Variants in RNF115 observed in about 807,000 individuals in gnomAD.
RNF115 encodes the protein ring finger protein 115.
A neutral mutation model predicts 39.2 loss-of-function variants in RNF115; 31 were observed. The observed-to-expected ratio is 0.79, with a 90% CI of 0.59 to 1.07. The LOEUF is 1.07. RNF115 is among the 50% of genes least tolerant of loss of function. The pLI, the probability that RNF115 is intolerant of heterozygous loss-of-function variation, is 0.00. For synonymous variants in RNF115, 124 were observed against 131.0 expected, an observed-to-expected ratio of 0.95 and a Z score of 0.37; for missense variants, 384 against 381.7, an observed-to-expected ratio of 1.01 and a Z score of -0.05.
At chr1:145,783,142 C>T (rs782398482) in intron 3 of RNF115, among the ~76,000 whole-genome samples, 6 of 152,154 alleles carry the variant, frequency 3.9e-5, no homozygotes, top group Non-Finnish European at 5.9e-5. Context: ...CGATTACAGG[C>T]GTGAGCCACT....
intron 1 of RNF115, among the ~76,000 whole-genome samples, chr1:145,793,733 G>C (rs587626403): frequency 1.3e-5 from 2 of 151,856 alleles, no homozygotes; most frequent in Non-Finnish European, 2.9e-5. Flanking sequence ...CTAAGTCCTG[G>C]TACTCCAAAC....
At chr1:145,798,328 C>T (rs1649077229) in intron 1 of RNF115, among the ~76,000 whole-genome samples, 1 of 152,098 alleles carries the variant, frequency 6.6e-6, no homozygotes, top group African/African-American at 2.4e-5. Flanking sequence ...CTTTAATCCA[C>T]TTTGAGTTTA....
chr1:145,739,561 T>A lies in RNF115; in HGVS notation c.*7305A>T, dbSNP rs587688140. 1 of 151,916 alleles carries A rather than the reference T, an allele frequency of 6.6e-6. No individual in the cohort carries two copies. The highest frequency in any genetic ancestry group is 2.1e-4 in the South Asian group (1 of 4,806). The allele number at this position is 151,916 out of a possible 1,614,324, so 9.4% of individuals were successfully genotyped here. The stretch of plus-strand genomic sequence containing the variant: ...TCTGGCTCTGCAACATACCAGCTAT[T>A]TGTCATTGGGCAAATGAATTTTTTT... On this transcript the variant is annotated 3_prime_UTR_variant, in exon 9 of 9. Coordinates refer to ENST00000582693, the MANE Select transcript of RNF115 (RefSeq NM_014455.4).
chr1:145,762,681 GA>G (rs782700281), intron 4 of RNF115, among the ~76,000 whole-genome samples: 1,865 of 145,370 alleles, frequency 0.013, 34 homozygotes, highest in South Asian at 0.085. Context: ...TTTTTAATAA[GA>G]AAAAAAAAAG....
At chr1:145,775,855 G>T (rs970509236) in intron 3 of RNF115, among the ~76,000 whole-genome samples, 5 of 151,750 alleles carry the variant, frequency 3.3e-5, no homozygotes, top group Non-Finnish European at 4.4e-5. Context: ...AAAATTAGCC[G>T]GGCATGGTGG....
intron 2 of RNF115, chr1:145,786,871 T>C (rs1553718141): frequency 6.3e-6 from 1 of 158,540 alleles, no homozygotes; most frequent in Admixed American, 6.5e-5. Flanking sequence ...ACACGTTTAG[T>C]GTTGGTATTG....
intron 1 of RNF115, among the ~76,000 whole-genome samples, chr1:145,802,078 A>C (rs1362578081): frequency 6.6e-6 from 1 of 152,076 alleles, no homozygotes; most frequent in Non-Finnish European, 1.5e-5. Context: ...GTGAGCCACC[A>C]CGCCCAGCCG....
intron 1 of RNF115, among the ~76,000 whole-genome samples, chr1:145,802,492 T>C (rs1553721013): frequency 6.6e-6 from 1 of 152,232 alleles, no homozygotes; most frequent in Non-Finnish European, 1.5e-5. Flanking sequence ...GGTCACATAA[T>C]GTGAAATTTA....
chr1:145,788,143 G>A (rs587706911), intron 2 of RNF115, among the ~76,000 whole-genome samples: 63 of 151,796 alleles, frequency 4.2e-4, no homozygotes, highest in Admixed American at 1.4e-3. Context: ...TGCCCAGGCT[G>A]GAGTCTTGGC....
chr1:145,820,598 T>C (rs1236766039), intron 1 of RNF115, among the ~76,000 whole-genome samples: 2 of 152,026 alleles, frequency 1.3e-5, no homozygotes, highest in Non-Finnish European at 2.9e-5. Flanking sequence ...TAGCTGGGCA[T>C]GGTGGCACGT....
chr1:145,818,227 C>G (rs1650076057), intron 1 of RNF115, among the ~76,000 whole-genome samples: 1 of 152,112 alleles, frequency 6.6e-6, no homozygotes, highest in South Asian at 2.1e-4. Flanking sequence ...AGTGTATAGG[C>G]ATTCCCTTTT....
At chr1:145,763,864 C>T (rs1042702291) in intron 4 of RNF115, among the ~76,000 whole-genome samples, 1 of 151,770 alleles carries the variant, frequency 6.6e-6, no homozygotes, top group Non-Finnish European at 1.5e-5. Context: ...AATATTTTAC[C>T]GTCTTAAAAA....
rs1553711134 is a variant in RNF115 at position 145,742,683 on chromosome 1, TATAA to T, written c.*4179_*4182del. On this transcript the variant is annotated 3_prime_UTR_variant, in exon 9 of 9. Transcript: ENST00000582693. ...GCATACACGTGTTTGTCTGTGAATA[TATAA>T]ATATCTCTATTTACACATATATACA... 3 of 152,234 alleles carry T rather than the reference TATAA, an allele frequency of 2.0e-5. No individual in the cohort carries two copies. Among genetic ancestry groups the T allele is most frequent in the Non-Finnish European group, 4.4e-5 (3 of 68,040 alleles). The allele number at this position is 152,234 out of a possible 1,614,324, so 9.4% of individuals were successfully genotyped here. A position where few individuals can be genotyped will look rare whatever the true frequency, so the allele number is the denominator to read the frequency against.
At position 145,808,861 on chromosome 1, in the gene RNF115, A is replaced by G. The variant is rs587669525; in HGVS notation, c.102+14911T>C. Among the ~76,000 whole-genome samples, 16 of 152,310 alleles carry G rather than the reference A, an allele frequency of 1.1e-4. No individual in the cohort carries two copies. In the East Asian group the frequency reaches 2.7e-3, roughly 26 times the overall value. ...TCAAAATCAGGGAACCAACAGTTTA[A>G]TAAGTTTGAGAGCAAAAATACCTCA... is the stretch of plus-strand genomic sequence containing the variant. On this transcript the variant is annotated intron_variant, in intron 1 of 8. Transcript: ENST00000582693.
chr1:145,764,155 ATCC>A, intron 4 of RNF115, among the ~76,000 whole-genome samples: 1 of 152,152 alleles, frequency 6.6e-6, no homozygotes, highest in Admixed American at 6.5e-5. Flanking sequence ...ACCGCGAGTG[ATCC>A]GCCAGCCTCG....
rs1247824090 is a variant in RNF115 at position 145,740,623 on chromosome 1, A to AGG, written c.*6241_*6242dup. On this transcript the variant is annotated 3_prime_UTR_variant, in exon 9 of 9. Coordinates refer to ENST00000582693, the MANE Select transcript of RNF115 (RefSeq NM_014455.4). ...CACAAACACGGGTTTTGAACCTGTGAGGCCATGAGGTTATCAGAAGGAATC... is the reference window on the plus strand; with the variant it reads ...CACAAACACGGGTTTTGAACCTGTGAGGGGCCATGAGGTTATCAGAAGGAATC... 1 of 152,236 alleles carries AGG rather than the reference A, an allele frequency of 6.6e-6. No homozygotes were observed. Among genetic ancestry groups the AGG allele is most frequent in the African/African-American group, 2.4e-5 (1 of 41,458 alleles). 9.4% of individuals were successfully genotyped at this position (152,236 alleles called of 1,614,324 possible).
intron 1 of RNF115, among the ~76,000 whole-genome samples, chr1:145,812,307 TTCAAATTA>T: frequency 6.7e-6 from 1 of 150,310 alleles, no homozygotes; most frequent in East Asian, 1.9e-4. Context: ...GTGACACTTG[TTCAAATTA>T]TCAAGGAGAG....
rs587601508 is a variant in RNF115, at chr1:145,824,027, A to T, written c.-154T>A. 1.9e-6 allele frequency: 1 copy of T among 530,634 alleles called. No individual in the cohort carries two copies. The highest frequency in any genetic ancestry group is 3.6e-5 in the East Asian group (1 of 27,484). 32.9% of individuals were successfully genotyped at this position (530,634 alleles called of 1,614,324 possible). On this transcript the variant is annotated 5_prime_UTR_variant, in exon 1 of 9. Coordinates refer to ENST00000582693, the MANE Select transcript of RNF115 (RefSeq NM_014455.4). The stretch of plus-strand genomic sequence containing the variant: ...GTCACGTGAGTTGGCCAGGCCCAGA[A>T]ACGCGGCGGCGCCAACAGCTACCCT...
At chr1:145,751,331 A>T in intron 6 of RNF115, 107 bp downstream of exon 6, 1 of 751,508 alleles carries the variant, frequency 1.3e-6, no homozygotes. Flanking sequence ...TCAAAATATT[A>T]GAGAAAGCAG....
Sources: gnomAD v4.1 joint callset for allele counts (sites outside exome capture counted in the v4.1 genomes callset) on GRCh38, gnomAD v4.1.1 for gene constraint, MANE v1.5 for transcripts, NCBI Gene and HGNC (gene_info 2026-07-23, HGNC 2026-07-21) for gene names.